NFASC: variants seen among roughly 807,000 people sequenced by gnomAD.
NFASC encodes the protein neurofascin homolog.
In NFASC, 43 loss-of-function variants were observed where a neutral mutation model predicts 147.5. The observed-to-expected ratio is 0.29, with a 90% CI of 0.23 to 0.38. The LOEUF (loss-of-function observed/expected upper bound fraction) is 0.38, where lower values mean the gene tolerates loss of function less well. Among genes scored for constraint, NFASC ranks in the 10% least tolerant of loss-of-function variants. The pLI, the probability that NFASC is intolerant of heterozygous loss-of-function variation, is 1.00. For synonymous variants in NFASC, 622 were observed against 665.5 expected (o/e 0.93, Z 1.01); for missense variants, 1,320 against 1,689.0 (o/e 0.78, Z 3.83).
At chr1:204,969,214 A>G (rs1009638408) in intron 10 of NFASC, among the ~76,000 whole-genome samples, 2 of 151,372 alleles carry the variant, frequency 1.3e-5, no homozygotes, top group African/African-American at 4.9e-5. Context: ...CCATCATCCA[A>G]CTCTCCTTGG....
In NFASC at chr1:205,012,824, G is replaced by A. The variant is rs199976360; in HGVS notation, c.3449G>A (p.Gly1150Asp). The change falls in exon 29 of 30, where the codon GGC (glycine) becomes GAC (aspartate). Residue 1150 changes from glycine (G) to aspartate (D), a missense_variant. Physicochemically the swap from Gly to Asp is moderately conservative, Grantham distance 94 (BLOSUM62 -1). Coordinates refer to ENST00000339876, the MANE Select transcript of NFASC (RefSeq NM_001005388.3). Reference protein sequence around the residue: ...PVREKKDVPLGPEDPKEEDGS... With the variant: ...PVREKKDVPLDPEDPKEEDGS... ...CGAGAAAAGAAGGATGTTCCCCTTG[G>A]CCCTGAAGACCCCAAGGAAGAGGAT... 1.9e-6 allele frequency: 3 copies of A among 1,613,644 alleles called. No homozygotes were observed. In the East Asian group the frequency reaches 6.7e-5, roughly 36 times the overall value.
rs138795461 is a variant in NFASC, at chr1:204,986,003, G to A, written c.2471-1415G>A. The A allele has an allele frequency of 2.2e-5, 36 of 1,613,876 alleles. No homozygotes were observed. The highest frequency in any genetic ancestry group is 1.9e-4 in the African/African-American group (14 of 74,924). ...CTTCCCTGGTGACCGCCTCCGTGGC[G>A]TGGTGTCCCGCCTCTTCCCCTACAG... On this transcript the variant is annotated intron_variant, in intron 21 of 29. Coordinates refer to ENST00000339876, the MANE Select transcript of NFASC (RefSeq NM_001005388.3). This position sits in a 1 kb window ranked among gnomAD's most constrained non-coding sequence, Gnocchi z 4.2.
At chr1:205,006,970 T>A (rs575139410) in intron 27 of NFASC, among the ~76,000 whole-genome samples, 1 of 149,470 alleles carries the variant, frequency 6.7e-6, no homozygotes, top group African/African-American at 2.4e-5. Flanking sequence ...GAGGTGGAGG[T>A]CAGCTTGGGA....
At chr1:204,900,867 G>C (rs991933369) in intron 1 of NFASC, among the ~76,000 whole-genome samples, 1 of 152,120 alleles carries the variant, frequency 6.6e-6, no homozygotes, top group Non-Finnish European at 1.5e-5. Flanking sequence ...AGTGGAAATG[G>C]GGTCTTGCTA....
At chr1:204,984,324 T>TAG in intron 21 of NFASC, 1 of 466,116 alleles carries the variant, frequency 2.1e-6, no homozygotes, top group Non-Finnish European at 3.9e-6. Flanking sequence ...AAAAAAATTA[T>TAG]ATATATATGT....
chr1:204,831,320 G>A (rs554208110), intron 1 of NFASC, among the ~76,000 whole-genome samples: 1 of 151,302 alleles, frequency 6.6e-6, no homozygotes, highest in Non-Finnish European at 1.5e-5. Flanking sequence ...CCTTCCAATT[G>A]TACCTAGCCA....
chr1:204,968,576 G>T lies in NFASC; in HGVS notation c.818+216G>T. 1 of 614,390 alleles carries T rather than the reference G, an allele frequency of 1.6e-6. No individual in the cohort carries two copies. Among genetic ancestry groups the T allele is most frequent in the Non-Finnish European group, 2.9e-6 (1 of 349,970 alleles). The allele number at this position is 614,390 out of a possible 1,614,324, so 38.1% of individuals were successfully genotyped here. On this transcript the variant is annotated intron_variant, in intron 9 of 29. Coordinates refer to ENST00000339876, the MANE Select transcript of NFASC (RefSeq NM_001005388.3). The surrounding 1 kb of genome is among the most constrained non-coding windows in gnomAD (Gnocchi z 5.4). The stretch of plus-strand genomic sequence containing the variant: ...GGATAATGAGGAAAGAAGGTGATTA[G>T]GCATCCCGTAGATGCGTTAGAATCT...
chr1:204,969,478 G>C (rs1024660100), intron 10 of NFASC, among the ~76,000 whole-genome samples: 1 of 152,170 alleles, frequency 6.6e-6, no homozygotes. Flanking sequence ...ACCAGAGCAC[G>C]TGTCGTCATG....
chr1:204,951,169 T>TA (rs1433073493), intron 4 of NFASC, among the ~76,000 whole-genome samples: 5 of 144,412 alleles, frequency 3.5e-5, no homozygotes, highest in African/African-American at 1.3e-4. Flanking sequence ...TTTTTTTTTT[T>TA]ATGGAGTCTC....
intron 24 of NFASC, among the ~76,000 whole-genome samples, chr1:204,992,405 T>G (rs2095755755): frequency 6.6e-6 from 1 of 152,170 alleles, no homozygotes; most frequent in South Asian, 2.1e-4. Flanking sequence ...CTAGGTTGAT[T>G]CTATTTCTGT....
At chr1:204,843,603 CCTTCCTTCCTTCCTTCCTTCCTT>C (rs1558485801) in intron 1 of NFASC, among the ~76,000 whole-genome samples, 3,760 of 84,072 alleles carry the variant, frequency 0.045, 164 homozygotes, top group African/African-American at 0.15. Context: ...TTCCTTCCTT[CCTTCCTTCCTTCCTTCCTTCCTT>C]CCTCCCTCCC....
intron 1 of NFASC, among the ~76,000 whole-genome samples, chr1:204,839,678 A>T (rs1396999776): frequency 6.6e-6 from 1 of 152,158 alleles, no homozygotes; most frequent in Non-Finnish European, 1.5e-5. Flanking sequence ...CTCCTCTTCC[A>T]TGGTGAAGAG....
Position 204,943,450 on chromosome 1 carries a change from A to G in NFASC, c.-90-776A>G, listed in dbSNP as rs573551302. On this transcript the variant is annotated intron_variant, in intron 2 of 29. Coordinates refer to ENST00000339876, the MANE Select transcript of NFASC (RefSeq NM_001005388.3). ...AATCATCATACATGCTGTTTACTCT[A>G]CCAACCACCTGAAGCCCGCTTCTTC... Among the ~76,000 whole-genome samples the G allele has an allele frequency of 5.3e-5, 8 of 152,314 alleles. 1 individual carries two copies. The South Asian group carries it at 8.3e-4, about 16-fold the overall frequency.
intron 1 of NFASC, among the ~76,000 whole-genome samples, chr1:204,833,049 G>C (rs908353644): frequency 6.6e-6 from 1 of 152,204 alleles, no homozygotes; most frequent in East Asian, 1.9e-4. Flanking sequence ...GGCTGTGCGG[G>C]GTGCTTGAGT....
intron 1 of NFASC, among the ~76,000 whole-genome samples, chr1:204,853,044 T>A (rs1206046624): frequency 6.6e-6 from 1 of 152,176 alleles, no homozygotes; most frequent in Non-Finnish European, 1.5e-5. Flanking sequence ...CAGCCTGGCT[T>A]GATACTATTA....
At chr1:204,894,938 A>G (rs1321051339) in intron 1 of NFASC, among the ~76,000 whole-genome samples, 3 of 152,252 alleles carry the variant, frequency 2.0e-5, no homozygotes, top group Non-Finnish European at 2.9e-5. Context: ...TTATCTACCT[A>G]ATTACTAACA....
chr1:204,957,531 A>C, intron 7 of NFASC, 125 bp from the exon 8 acceptor site: 1 of 781,804 alleles, frequency 1.3e-6, no homozygotes, highest in Non-Finnish European at 2.1e-6. Flanking sequence ...AGAGGATTAG[A>C]CCAAGTAATG....
At chr1:204,884,391 C>T (rs1026416047) in intron 1 of NFASC, among the ~76,000 whole-genome samples, 1 of 152,072 alleles carries the variant, frequency 6.6e-6, no homozygotes, top group African/African-American at 2.4e-5. Flanking sequence ...GAAGTCAATA[C>T]CCCTTGGGTA....
intron 3 of NFASC, among the ~76,000 whole-genome samples, chr1:204,945,859 G>T (rs1309945057): frequency 6.6e-6 from 1 of 152,174 alleles, no homozygotes; most frequent in Non-Finnish European, 1.5e-5. Context: ...GAGGAAATTG[G>T]GTTATCAGGG....
Sources: allele counts gnomAD v4.1 joint callset (sites outside exome capture counted in the v4.1 genomes callset), GRCh38; gene constraint gnomAD v4.1.1; non-coding constraint Gnocchi (gnomAD v3.1); transcripts MANE v1.5; gene names NCBI Gene and HGNC (gene_info 2026-07-23, HGNC 2026-07-21).